The following IPCEF1 variants were observed in gnomAD, a reference collection of about 807,000 sequenced individuals.
The protein encoded by IPCEF1 is interactor protein for cytohesin exchange factors 1.
IPCEF1 carries 31 observed loss-of-function variants against 50.9 expected under a neutral mutation model. The observed-to-expected ratio is 0.61, with a 90% CI of 0.46 to 0.82. The LOEUF is 0.82. Ranked by LOEUF, IPCEF1 falls within the 40% of genes least tolerant of loss-of-function variation. The pLI, the probability that IPCEF1 is intolerant of heterozygous loss-of-function variation, is 0.00. For missense variants in IPCEF1, 458 were observed against 514.0 expected, an observed-to-expected ratio of 0.89 and a Z score of 1.05; for synonymous variants, 181 against 192.0, an observed-to-expected ratio of 0.94 and a Z score of 0.47.
intron 10 of IPCEF1, among the ~76,000 whole-genome samples, chr6:154,188,935 C>CAA (rs60712490): frequency 6.7e-6 from 1 of 149,690 alleles, no homozygotes; most frequent in East Asian, 2.0e-4. Context: ...TTCTTGATAC[C>CAA]AAAAAAAAGC....
chr6:154,314,966 C>T (rs772933289), intron 1 of IPCEF1, among the ~76,000 whole-genome samples: 10 of 151,752 alleles, frequency 6.6e-5, no homozygotes, highest in Non-Finnish European at 8.8e-5. Flanking sequence ...CTGCAACCTC[C>T]GCCTCCCAGG....
Position 154,281,965 on chromosome 6 carries a change from T to C in IPCEF1, c.-18+7748A>G, listed in dbSNP as rs1583942014. ...GTTGCAATGAGCCAAGATGGCACCA[T>C]TGCACTCCAGCCTGGGCAACAAGAG... On this transcript the variant is annotated intron_variant, in intron 2 of 11. Transcript: ENST00000367220. Among the ~76,000 whole-genome samples, 2 of 151,744 alleles carry C rather than the reference T, an allele frequency of 1.3e-5. 1 individual carries two copies. The highest frequency in any genetic ancestry group is 4.2e-4 in the South Asian group (2 of 4,784).
chr6:154,299,594 T>C lies in IPCEF1; in HGVS notation c.-61-9838A>G, dbSNP rs1010347198. Among the ~76,000 whole-genome samples, 10 of 139,444 alleles carry C rather than the reference T, an allele frequency of 7.2e-5. 2 individuals carry two copies. Among genetic ancestry groups the C allele is most frequent in the Non-Finnish European group, 1.4e-4 (9 of 62,362 alleles). 91.5% of individuals were successfully genotyped at this position (139,444 alleles called of 152,430 possible). ...GGGCACAACACACACTGACTAGGGC[T>C]TCTAGGGGAGGTGTGGGTACTGAGA... is the stretch of plus-strand genomic sequence containing the variant. On this transcript the variant is annotated intron_variant, in intron 1 of 11. Transcript: ENST00000367220.
rs1329408364 is a variant in IPCEF1 at position 154,298,893 on chromosome 6, C to T, written c.-61-9137G>A. On this transcript the variant is annotated intron_variant, in intron 1 of 11. Transcript: ENST00000367220. Reference sequence around the variant, plus strand: ...AGGAGAATTGCTTGAACCCAGGAGGCGGAGGTTGCAGTAAGCTGAGATAGC... The same window carrying T: ...AGGAGAATTGCTTGAACCCAGGAGGTGGAGGTTGCAGTAAGCTGAGATAGC... Among the ~76,000 whole-genome samples the T allele has an allele frequency of 2.1e-5, 2 of 94,578 alleles. 1 individual carries two copies. Among genetic ancestry groups the T allele is most frequent in the Admixed American group, 2.3e-4 (2 of 8,652 alleles). The allele number at this position is 94,578 out of a possible 152,430, so 62.0% of individuals were successfully genotyped here.
At chr6:154,166,180 T>A (rs9397692) in intron 11 of IPCEF1, among the ~76,000 whole-genome samples, 7,832 of 152,324 alleles carry the variant, frequency 0.051, 309 homozygotes, top group South Asian at 0.19. Context: ...TAGCACTGGA[T>A]AACCGATACA....
At chr6:154,169,850 C>T (rs1161686656) in intron 10 of IPCEF1, among the ~76,000 whole-genome samples, 1 of 152,202 alleles carries the variant, frequency 6.6e-6, no homozygotes, top group Non-Finnish European at 1.5e-5. Flanking sequence ...GCCAAGGAGA[C>T]TCAGTTCCAA....
At chr6:154,209,131 T>G (rs1006817768) in intron 9 of IPCEF1, among the ~76,000 whole-genome samples, 1 of 152,232 alleles carries the variant, frequency 6.6e-6, no homozygotes, top group Non-Finnish European at 1.5e-5. Context: ...ATTAGAATGA[T>G]TAGACTGAAT....
At chr6:154,181,350 A>G (rs1463726734) in intron 10 of IPCEF1, among the ~76,000 whole-genome samples, 2 of 152,152 alleles carry the variant, frequency 1.3e-5, no homozygotes, top group African/African-American at 4.8e-5. Flanking sequence ...TAATTCTTAG[A>G]CCAACGTTAT....
chr6:154,224,398 C>T (rs1779092240), intron 5 of IPCEF1, among the ~76,000 whole-genome samples: 1 of 152,136 alleles, frequency 6.6e-6, no homozygotes, highest in African/African-American at 2.4e-5. Context: ...ACCTGAAATG[C>T]CTTCCTCTTA....
chr6:154,254,788 T>C (rs1781421724), intron 3 of IPCEF1, among the ~76,000 whole-genome samples: 1 of 152,012 alleles, frequency 6.6e-6, no homozygotes, highest in African/African-American at 2.4e-5. Flanking sequence ...TACATTTTGA[T>C]TTTTTTTAAT....
chr6:154,313,370 G>A (rs1224494088), intron 1 of IPCEF1, among the ~76,000 whole-genome samples: 1 of 148,800 alleles, frequency 6.7e-6, no homozygotes, highest in Non-Finnish European at 1.5e-5. Flanking sequence ...GCAAGATTCT[G>A]TCTCAAAAAA....
intron 5 of IPCEF1, among the ~76,000 whole-genome samples, chr6:154,227,154 A>G (rs1779316642): frequency 6.6e-6 from 1 of 152,208 alleles, no homozygotes; most frequent in Non-Finnish European, 1.5e-5. Context: ...CAGTGAGCCA[A>G]GACCGCACCA....
chr6:154,230,384 T>G (rs1396661401), intron 5 of IPCEF1, among the ~76,000 whole-genome samples: 1 of 152,292 alleles, frequency 6.6e-6, no homozygotes, highest in East Asian at 1.9e-4. Flanking sequence ...AAAACTGCTC[T>G]AAAAAAATTA....
intron 2 of IPCEF1, among the ~76,000 whole-genome samples, chr6:154,266,823 G>A (rs1034712474): frequency 4.6e-5 from 7 of 151,850 alleles, no homozygotes; most frequent in African/African-American, 1.7e-4. Context: ...AAAAGCAAAT[G>A]AAAACAAAAG....
At chr6:154,246,875 G>A (rs80262399) in intron 4 of IPCEF1, 115 bp from the exon 5 acceptor site, 4 of 1,246,054 alleles carry the variant, frequency 3.2e-6, no homozygotes, top group Non-Finnish European at 1.0e-6. Context: ...ACCCCCCGGG[G>A]AGCTGGATTT....
intron 10 of IPCEF1, among the ~76,000 whole-genome samples, chr6:154,185,992 C>T (rs747572154): frequency 3.3e-5 from 5 of 152,352 alleles, no homozygotes; most frequent in Admixed American, 1.3e-4. Flanking sequence ...GGGGTTATTG[C>T]TTGTGTTCTT....
In IPCEF1 at chr6:154,353,304, T is replaced by C. The variant is rs186705570; in HGVS notation, c.-62+3368A>G. Among the ~76,000 whole-genome samples the C allele has an allele frequency of 2.8e-3, 417 of 149,384 alleles. 5 individuals carry two copies. Among genetic ancestry groups the C allele is most frequent in the African/African-American group, 1.0e-2 (405 of 40,560 alleles). On this transcript the variant is annotated intron_variant, in intron 1 of 11. Coordinates refer to ENST00000367220, the MANE Select transcript of IPCEF1 (RefSeq NM_001130700.2). ...TTCTTTTCCTTTTCCTTTTTTTTTT[T>C]TTTTTTTTTGAGATGAAGTCTCCCT...
intron 11 of IPCEF1, among the ~76,000 whole-genome samples, chr6:154,161,720 A>G (rs1035047188): frequency 1.3e-5 from 2 of 152,186 alleles, no homozygotes; most frequent in Non-Finnish European, 2.9e-5. Context: ...AGAAGATGAC[A>G]AGAAACATTT....
chr6:154,244,889 A>G (rs886837484), intron 5 of IPCEF1, among the ~76,000 whole-genome samples: 7 of 152,184 alleles, frequency 4.6e-5, no homozygotes, highest in African/African-American at 1.7e-4. Flanking sequence ...TCTTTCCAAC[A>G]GCCTCTGGAA....
Sources: gnomAD v4.1 joint callset for allele counts (sites outside exome capture counted in the v4.1 genomes callset) on GRCh38, gnomAD v4.1.1 for gene constraint, MANE v1.5 for transcripts, NCBI Gene and HGNC (gene_info 2026-07-23, HGNC 2026-07-21) for gene names.